FGFR2: variants seen among roughly 807,000 people sequenced by gnomAD.
FGFR2 encodes fibroblast growth factor receptor 2.
FGFR2 carries 19 observed loss-of-function variants against 95.9 expected under a neutral mutation model. The observed-to-expected ratio is 0.20, with a 90% CI of 0.14 to 0.29. The LOEUF (loss-of-function observed/expected upper bound fraction) is 0.29, where lower values mean the gene tolerates loss of function less well. FGFR2 is among the 10% of genes least tolerant of loss of function. The pLI, the probability that FGFR2 is intolerant of heterozygous loss-of-function variation, is 1.00. For synonymous variants in FGFR2, 392 were observed against 393.3 expected (o/e 1.00, Z 0.04); for missense variants, 707 against 1,056.9 (o/e 0.67, Z 4.59).
chr10:121,592,189 C>T (rs1056505910), intron 2 of FGFR2, among the ~76,000 whole-genome samples: 2 of 152,168 alleles, frequency 1.3e-5, no homozygotes, highest in South Asian at 2.1e-4. Flanking sequence ...CCAGCAATCA[C>T]GGAAACATCC....
chr10:121,535,385 G>C (rs1175238184), intron 6 of FGFR2, among the ~76,000 whole-genome samples: 1 of 152,174 alleles, frequency 6.6e-6, no homozygotes, highest in Non-Finnish European at 1.5e-5. Flanking sequence ...TAAATAATTT[G>C]TCCCAATTCA....
At chr10:121,533,766 G>A (rs1564942145) in intron 6 of FGFR2, among the ~76,000 whole-genome samples, 1 of 152,200 alleles carries the variant, frequency 6.6e-6, no homozygotes, top group Non-Finnish European at 1.5e-5. Context: ...CGCTTGGAGA[G>A]CAAGGAGCAT....
chr10:121,551,261 A>C (rs1855367833), intron 5 of FGFR2, 29 bp downstream of exon 5: 1 of 1,612,102 alleles, frequency 6.2e-7, no homozygotes, highest in Non-Finnish European at 8.5e-7. Flanking sequence ...AAATGTAAGA[A>C]ATGTGATGTT....
rs2135091819 is a variant in FGFR2 at position 121,564,597 on chromosome 10, T to C, written c.377-18A>G. ...GATGGCATCTGTATGCAAAAGAACATATTCCATGGATGTGTTTTTTGCAAA... is the reference window on the plus strand; with the variant it reads ...GATGGCATCTGTATGCAAAAGAACACATTCCATGGATGTGTTTTTTGCAAA... On this transcript the variant is annotated intron_variant, in intron 3 of 17. Coordinates refer to ENST00000358487, the MANE Select transcript of FGFR2 (RefSeq NM_000141.5). 4 of 1,609,978 alleles carry C rather than the reference T, an allele frequency of 2.5e-6. No homozygotes were observed. The East Asian group carries it at 6.7e-5, about 27-fold the overall frequency.
chr10:121,533,365 G>C (rs1852353232), intron 6 of FGFR2, among the ~76,000 whole-genome samples: 1 of 152,188 alleles, frequency 6.6e-6, no homozygotes, highest in Non-Finnish European at 1.5e-5. Flanking sequence ...ACTCCAGCCT[G>C]GGCAACAAAG....
Position 121,517,199 on chromosome 10 carries a change from A to G in FGFR2, c.1084+120T>C. On this transcript the variant is annotated intron_variant, in intron 8 of 17. Transcript: ENST00000358487. The surrounding 1 kb of genome is among the most constrained non-coding windows in gnomAD (Gnocchi z 4.7). Reference sequence around the variant, plus strand: ...TTATCCCTGAGGGATCATTTTTAACATTTTTTATATCTTTATGCAAGGATA... The same window carrying G: ...TTATCCCTGAGGGATCATTTTTAACGTTTTTTATATCTTTATGCAAGGATA... 8.6e-7 allele frequency: 1 copy of G among 1,166,818 alleles called. No homozygotes were observed. Among genetic ancestry groups the G allele is most frequent in the Non-Finnish European group, 1.3e-6 (1 of 790,744 alleles). The allele number at this position is 1,166,818 out of a possible 1,614,324, so 72.3% of individuals were successfully genotyped here.
Position 121,596,331 on chromosome 10 carries a change from T to C in FGFR2, c.-151+1631A>G, listed in dbSNP as rs1863427082. 3 of 197,310 alleles carry C rather than the reference T, an allele frequency of 1.5e-5. No homozygotes were observed. In the East Asian group the frequency reaches 2.4e-4, roughly 16 times the overall value. 12.2% of individuals were successfully genotyped at this position (197,310 alleles called of 1,614,324 possible). On this transcript the variant is annotated intron_variant, in intron 1 of 17. Coordinates refer to ENST00000358487, the MANE Select transcript of FGFR2 (RefSeq NM_000141.5). ...GGGCTTGGCTGCGGAGCGGTCCCCA[T>C]GCCAGGCCTGTGCTGGGCTCTTCAA...
At chr10:121,487,489 A>G in intron 14 of FGFR2, 65 bp from the exon 15 acceptor site, 1 of 1,309,746 alleles carries the variant, frequency 7.6e-7, no homozygotes, top group Non-Finnish European at 1.1e-6. Flanking sequence ...AGCAGGCTCA[A>G]TAGGGCTATG....
At position 121,518,651 on chromosome 10, in the gene FGFR2, T is replaced by TA. The variant is rs767706911; in HGVS notation, c.940-1189dup. On this transcript the variant is annotated intron_variant, in intron 7 of 17. Transcript: ENST00000358487. The surrounding 1 kb of genome is among the most constrained non-coding windows in gnomAD (Gnocchi z 4.0). ...CAGCTTCTATATCCAGCTTTCTTTT[T>TA]AAAAAAAGACAAAAATGAAAGCATT... 1.9e-5 allele frequency: 31 copies of TA among 1,613,942 alleles called. No homozygotes were observed. The highest frequency in any genetic ancestry group is 1.6e-4 in the East Asian group (7 of 44,874).
At chr10:121,538,447 C>CT in intron 6 of FGFR2, 145 bp downstream of exon 6, 1 of 1,224,072 alleles carries the variant, frequency 8.2e-7, no homozygotes. Context: ...CAGAAGCAGC[C>CT]TTGTAAAATG....
chr10:121,491,403 G>A (rs549741489), intron 13 of FGFR2, among the ~76,000 whole-genome samples: 1 of 152,324 alleles, frequency 6.6e-6, no homozygotes, highest in Non-Finnish European at 1.5e-5. Flanking sequence ...GGACAGTTTG[G>A]TGTTCCATAG....
At position 121,565,320 on chromosome 10, in the gene FGFR2, T is replaced by G. The variant is rs1373447433; in HGVS notation, c.376+118A>C. On this transcript the variant is annotated intron_variant, in intron 3 of 17. Transcript: ENST00000358487. ...GGTCCCAAAGAAGAATTTCAAAAAC[T>G]ATGAAGCTGTATGCCTGGCATCCAA... 2.2e-6 allele frequency: 3 copies of G among 1,336,398 alleles called. No individual in the cohort carries two copies. The East Asian group carries it at 6.9e-5, about 31-fold the overall frequency. The allele number at this position is 1,336,398 out of a possible 1,614,324, so 82.8% of individuals were successfully genotyped here.
At chr10:121,527,681 C>CA (rs1851563049) in intron 6 of FGFR2, 1 of 152,146 alleles carries the variant, frequency 6.6e-6, no homozygotes, top group Admixed American at 6.5e-5. Flanking sequence ...CCTACCTTCT[C>CA]AATCAGCGAG....
intron 2 of FGFR2, among the ~76,000 whole-genome samples, chr10:121,581,764 A>T (rs1384430030): frequency 2.0e-4 from 27 of 136,228 alleles, no homozygotes; most frequent in South Asian, 4.7e-4. Context: ...CTGCATTTAA[A>T]AAAAAAAAAA....
At chr10:121,567,582 A>G (rs963873399) in intron 2 of FGFR2, among the ~76,000 whole-genome samples, 1 of 152,224 alleles carries the variant, frequency 6.6e-6, no homozygotes, top group African/African-American at 2.4e-5. Context: ...CAGACGATAG[A>G]TACAAAATCT....
At chr10:121,567,453 C>G (rs1857848928) in intron 2 of FGFR2, among the ~76,000 whole-genome samples, 1 of 152,252 alleles carries the variant, frequency 6.6e-6, no homozygotes, top group Non-Finnish European at 1.5e-5. Context: ...TTTGTTTTCT[C>G]ACTCAGTAAT....
intron 16 of FGFR2, 81 bp from the exon 17 acceptor site, chr10:121,483,884 G>T (rs1589708720): frequency 9.9e-7 from 1 of 1,012,438 alleles, no homozygotes; most frequent in Non-Finnish European, 1.5e-6. Context: ...GCAATATGGG[G>T]ACGTGGTGTA....
chr10:121,530,296 AAGAACACACAGCATTCC>A (rs1851917995), intron 6 of FGFR2: 1 of 152,330 alleles, frequency 6.6e-6, no homozygotes, highest in Non-Finnish European at 1.5e-5. Flanking sequence ...TTAAAAGGGG[AAGAACACACAGCATTCC>A]ACACTCACAT....
At chr10:121,593,284 C>A (rs1862939475) in intron 2 of FGFR2, among the ~76,000 whole-genome samples, 1 of 152,212 alleles carries the variant, frequency 6.6e-6, no homozygotes, top group Admixed American at 6.5e-5. Context: ...AATAAGATGT[C>A]AGCATTTCAG....
Sources: allele counts gnomAD v4.1 joint callset (sites outside exome capture counted in the v4.1 genomes callset), GRCh38; gene constraint gnomAD v4.1.1; non-coding constraint Gnocchi (gnomAD v3.1); transcripts MANE v1.5; gene names NCBI Gene and HGNC (gene_info 2026-07-23, HGNC 2026-07-21).